HERC1: variants seen among roughly 807,000 people sequenced by gnomAD.
The protein encoded by HERC1 is probable E3 ubiquitin-protein ligase HERC1.
A neutral mutation model predicts 554.3 loss-of-function variants in HERC1; 160 were observed. The ratio of observed to expected loss-of-function variants is 0.29; its 90% CI spans 0.25 to 0.33. The LOEUF is 0.33. Among genes scored for constraint, HERC1 ranks in the 10% least tolerant of loss-of-function variants. The pLI, the probability that HERC1 is intolerant of heterozygous loss-of-function variation, is 1.00. For synonymous variants in HERC1, 2,175 were observed against 2,131.7 expected (o/e 1.02, Z -0.56); for missense variants, 4,919 against 5,918.5 (o/e 0.83, Z 5.54).
chr15:63,775,464 C>T lies in HERC1; in HGVS notation c.160G>A (p.Val54Ile), dbSNP rs528437347. The change falls in exon 2 of 78, where the codon GTT (valine) becomes ATT (isoleucine). Residue 54 changes from valine to isoleucine, a missense_variant. Physicochemically the swap from Val to Ile is conservative, Grantham distance 29. Coordinates refer to ENST00000443617, the MANE Select transcript of HERC1 (RefSeq NM_003922.4). This position sits in a 1 kb window ranked among gnomAD's most constrained non-coding sequence, Gnocchi z 4.0. ...AACTGTGGTCCTTTGAGGCATAAAA[C>T]TTGTTGGGGCAAAGGTACTACTTCC... ...NKEVVPLPQQ[V>I]LCLKGPQLPD... 1.2e-6 allele frequency: 2 copies of T among 1,613,994 alleles called. No homozygotes were observed. The highest frequency in any genetic ancestry group is 8.5e-7 in the Non-Finnish European group (1 of 1,179,878).
At chr15:63,610,909 C>A (rs993254370) in intron 77 of HERC1, among the ~76,000 whole-genome samples, 1 of 152,136 alleles carries the variant, frequency 6.6e-6, no homozygotes, top group Non-Finnish European at 1.5e-5. Flanking sequence ...TAACTGAATG[C>A]AGTAAGTTCT....
At chr15:63,771,017 C>T (rs970869606) in intron 2 of HERC1, among the ~76,000 whole-genome samples, 22 of 152,030 alleles carry the variant, frequency 1.4e-4, no homozygotes, top group African/African-American at 5.1e-4. Flanking sequence ...GGTGAAACCC[C>T]GTCTCTACTA....
At chr15:63,609,753 T>C (rs887887467) in intron 77 of HERC1, among the ~76,000 whole-genome samples, 1 of 152,188 alleles carries the variant, frequency 6.6e-6, no homozygotes, top group Non-Finnish European at 1.5e-5. Context: ...ATGTGCATTC[T>C]GCCTCCTTTG....
At chr15:63,705,229 C>T (rs1312543396) in intron 25 of HERC1, among the ~76,000 whole-genome samples, 2 of 152,068 alleles carry the variant, frequency 1.3e-5, no homozygotes, top group African/African-American at 4.8e-5. Flanking sequence ...TCACAGTACC[C>T]TGCAACTTCG....
rs1033005764 is a variant in HERC1, at chr15:63,609,348, C to A, written c.14401-82G>T. The A allele has an allele frequency of 1.9e-5, 23 of 1,225,578 alleles. No individual in the cohort carries two copies. In the African/African-American group the frequency reaches 3.3e-4, roughly 18 times the overall value. The allele number at this position is 1,225,578 out of a possible 1,614,324, so 75.9% of individuals were successfully genotyped here. A position where few individuals can be genotyped will look rare whatever the true frequency, so the allele number is the denominator to read the frequency against. On this transcript the variant is annotated intron_variant, in intron 77 of 77. Coordinates refer to ENST00000443617, the MANE Select transcript of HERC1 (RefSeq NM_003922.4). ...TGGGGCTGCCCATGACCTCTCCCTGCCTTCAAGATGGAATTAACATGGCCA... is the reference window on the plus strand; with the variant it reads ...TGGGGCTGCCCATGACCTCTCCCTGACTTCAAGATGGAATTAACATGGCCA...
Position 63,758,395 on chromosome 15 carries a change from A to C in HERC1, c.1027-26T>G. The C allele has an allele frequency of 3.3e-6, 5 of 1,533,612 alleles. No individual in the cohort carries two copies. The highest frequency in any genetic ancestry group is 4.5e-6 in the Non-Finnish European group (5 of 1,121,680). Reference sequence around the variant, plus strand: ...CTATTAAAAATTTAAAATATGCAACAAATAGTCAAGACAGTTTTAGTCTGG... The same window carrying C: ...CTATTAAAAATTTAAAATATGCAACCAATAGTCAAGACAGTTTTAGTCTGG... On this transcript the variant is annotated intron_variant, in intron 3 of 77. Transcript: ENST00000443617. The surrounding 1 kb of genome is among the most constrained non-coding windows in gnomAD (Gnocchi z 4.0).
At chr15:63,624,018 A>G in intron 72 of HERC1, 128 bp from the exon 73 acceptor site, 1 of 1,243,294 alleles carries the variant, frequency 8.0e-7, no homozygotes, top group East Asian at 2.4e-5. Context: ...GCCCACTGTA[A>G]CCACACCAGG....
chr15:63,782,096 C>T (rs1343001538), intron 1 of HERC1, among the ~76,000 whole-genome samples: 1 of 152,200 alleles, frequency 6.6e-6, no homozygotes, highest in Admixed American at 6.5e-5. Flanking sequence ...GCAGCAAGTG[C>T]TGATGTAGAA....
chr15:63,764,612 G>A (rs1261066990), intron 2 of HERC1, among the ~76,000 whole-genome samples: 2 of 152,078 alleles, frequency 1.3e-5, no homozygotes, highest in African/African-American at 2.4e-5. Context: ...TAGTAATGAC[G>A]TGACCAAAGC....
rs1036947098 is a variant in HERC1 at position 63,615,627 on chromosome 15, T to A, written c.14094+141A>T. 12 of 577,922 alleles carry A rather than the reference T, an allele frequency of 2.1e-5. No individual in the cohort carries two copies. In the African/African-American group the frequency reaches 2.4e-4, roughly 11 times the overall value. The allele number at this position is 577,922 out of a possible 1,614,324, so 35.8% of individuals were successfully genotyped here. On this transcript the variant is annotated intron_variant, in intron 76 of 77. Transcript: ENST00000443617. The stretch of plus-strand genomic sequence containing the variant: ...GCTGTCTCAAAAATAAATAAGTAAA[T>A]TAAAATAAATAAATTCATACATACA...
At position 63,674,516 on chromosome 15, in the gene HERC1, C is replaced by T; in HGVS notation, c.7672G>A (p.Glu2558Lys). The change falls in exon 38 of 78, where the codon GAG becomes AAG. Residue 2558 changes from glutamate to lysine, a missense_variant. Coordinates refer to ENST00000443617, the MANE Select transcript of HERC1 (RefSeq NM_003922.4). Reference protein sequence around the residue: ...ASSPVVHEDVEMRAALQFLMR... With the variant: ...ASSPVVHEDVKMRAALQFLMR... Reference sequence around the variant, plus strand: ...AAGAACTGCAGGGCTGCTCGCATCTCCACGTCTTCATGAACAACTGGAGAA... The same window carrying T: ...AAGAACTGCAGGGCTGCTCGCATCTTCACGTCTTCATGAACAACTGGAGAA... 1 of 1,613,636 alleles carries T rather than the reference C, an allele frequency of 6.2e-7. No homozygotes were observed. The highest frequency in any genetic ancestry group is 8.5e-7 in the Non-Finnish European group (1 of 1,179,704).
At chr15:63,772,484 TA>T (rs1474229893) in intron 2 of HERC1, among the ~76,000 whole-genome samples, 1 of 151,162 alleles carries the variant, frequency 6.6e-6, no homozygotes, top group Non-Finnish European at 1.5e-5. Context: ...CATGTGACCA[TA>T]AATACATTAT....
chr15:63,744,430 G>T (rs1320211464), intron 12 of HERC1, among the ~76,000 whole-genome samples: 1 of 152,128 alleles, frequency 6.6e-6, no homozygotes, highest in African/African-American at 2.4e-5. Flanking sequence ...TTCCCTTCAG[G>T]GGGAGTGAGG....
chr15:63,700,120 T>C (rs1176075602), intron 25 of HERC1, among the ~76,000 whole-genome samples: 1 of 152,166 alleles, frequency 6.6e-6, no homozygotes, highest in Non-Finnish European at 1.5e-5. Flanking sequence ...TTTTTATTGT[T>C]TTAATGTATT....
At chr15:63,747,172 T>G (rs1761810820) in intron 11 of HERC1, 89 bp from the exon 12 acceptor site, 1 of 1,303,938 alleles carries the variant, frequency 7.7e-7, no homozygotes, top group Admixed American at 2.3e-5. Context: ...CTTTAAAAAT[T>G]TTGTTGGCTA....
rs750058608 is a variant in HERC1, at chr15:63,698,982, G to C, written c.4651C>G (p.Gln1551Glu). 5 of 1,612,664 alleles carry C rather than the reference G, an allele frequency of 3.1e-6. No individual in the cohort carries two copies. The African/African-American group carries it at 6.7e-5, about 22-fold the overall frequency. The change falls in exon 26 of 78, where the codon CAA becomes GAA. Residue 1551 changes from glutamine (Q) to glutamate (E), a missense_variant. Physicochemically the swap from Gln to Glu is conservative, Grantham distance 29. Around this residue, in one of 11 missense-constraint regions of HERC1, gnomAD observed 1,121 missense variants for 1,244.0 expected, o/e 0.90. Transcript: ENST00000443617. ...SHRKRGPMHS[Q>E]LESLSDSWAR... ...CAAGAGTCACTCAGGGATTCCAATT[G>C]ACTGTGCATAGGACCTATATACAAA... is the stretch of plus-strand genomic sequence containing the variant.
At chr15:63,813,068 A>T (rs1326821302) in intron 1 of HERC1, among the ~76,000 whole-genome samples, 1 of 152,230 alleles carries the variant, frequency 6.6e-6, no homozygotes, top group Non-Finnish European at 1.5e-5. Context: ...GAGATACATA[A>T]ATGAAACATA....
chr15:63,726,695 T>C (rs2074053392), intron 17 of HERC1, among the ~76,000 whole-genome samples: 1 of 152,190 alleles, frequency 6.6e-6, no homozygotes, highest in Non-Finnish European at 1.5e-5. Context: ...TGCCAGAGTC[T>C]GTCTACAAAC....
intron 53 of HERC1, among the ~76,000 whole-genome samples, chr15:63,650,146 T>G (rs1055515532): frequency 6.6e-6 from 1 of 152,110 alleles, no homozygotes; most frequent in African/African-American, 2.4e-5. Flanking sequence ...CTCATGCCTG[T>G]AATCCTAGCA....
Sources: allele counts gnomAD v4.1 joint callset (sites outside exome capture counted in the v4.1 genomes callset), GRCh38; gene constraint gnomAD v4.1.1; regional missense constraint gnomAD v4.1.1; non-coding constraint Gnocchi (gnomAD v3.1); transcripts MANE v1.5; gene names NCBI Gene and HGNC (gene_info 2026-07-23, HGNC 2026-07-21).